The following LAMB3 variants were observed in gnomAD, a reference collection of about 807,000 sequenced individuals.
The protein encoded by LAMB3 is laminin subunit beta-3.
LAMB3 carries 104 observed loss-of-function variants against 140.3 expected under a neutral mutation model. The ratio of observed to expected loss-of-function variants is 0.74; its 90% CI spans 0.63 to 0.87. The LOEUF is 0.87. LAMB3 is among the 40% of genes least tolerant of loss of function. The probability of loss-of-function intolerance (pLI) is 0.00; values close to 1 mark genes in which losing one functional copy is unlikely to be tolerated. For missense variants in LAMB3, 1,531 were observed against 1,575.2 expected (o/e 0.97, Z 0.47); for synonymous variants, 592 against 602.9 (o/e 0.98, Z 0.26).
chr1:209,618,170 A>G, intron 19 of LAMB3, 122 bp from the exon 20 acceptor site: 3 of 1,264,294 alleles, frequency 2.4e-6, no homozygotes, highest in South Asian at 2.5e-5. Context: ...AGAGCAAGGA[A>G]AGTATTAACT....
intron 14 of LAMB3, among the ~76,000 whole-genome samples, chr1:209,624,897 AGGAAG>A (rs1666364953): frequency 7.0e-6 from 1 of 143,104 alleles, no homozygotes; most frequent in South Asian, 2.4e-4. Context: ...GAAGGAAGGA[AGGAAG>A]GAAGGAAGGA....
rs1666647281 is a variant in LAMB3, at chr1:209,630,634, C to G, written c.924G>C (p.Gln308His). ...TCCTACTTTGGCATTCATGGGCGTC[C>G]TGGCCCTCCGCCGGTCTCCAGGGCC... ...NNRPWRPAEG[Q>H]DAHECQRCDC... Residue 308 changes from glutamine to histidine, a missense_variant, in exon 9 of 23, where the codon CAG (glutamine) becomes CAC (histidine). Coordinates refer to ENST00000356082, the MANE Select transcript of LAMB3 (RefSeq NM_000228.3). The G allele has an allele frequency of 6.2e-7, 1 of 1,614,064 alleles. No individual in the cohort carries two copies.
rs904020722 is a variant in LAMB3 at position 209,634,601 on chromosome 1, G to A, written c.410C>T (p.Ser137Leu). 2.5e-6 allele frequency: 4 copies of A among 1,614,090 alleles called. No homozygotes were observed. The highest frequency in any genetic ancestry group is 1.7e-5 in the Admixed American group (1 of 60,030). The change falls in exon 6 of 23, where the codon TCA becomes TTA. Residue 137 changes from serine to leucine, a missense_variant. Ser to Leu is a moderately radical substitution (Grantham distance 145). Coordinates refer to ENST00000356082, the MANE Select transcript of LAMB3 (RefSeq NM_000228.3). ...CACTCGCCAGGTCTTACCGAAGTCT[G>A]AGGAGCGCTCAATCAGCATGCCGGC... ...MPAGMLIERSSDFGKTWRVYQ... is the reference protein window; with the variant it reads ...MPAGMLIERSLDFGKTWRVYQ...
chr1:209,617,947 G>C lies in LAMB3; in HGVS notation c.3011C>G (p.Thr1004Ser), dbSNP rs769833376. ...CTGGATAAGCCGAAGGGAGCGGCTG[G>C]TGCCTTGCATGGTGTCCTGAGCTTC... ...LQEAQDTMQG[T>S]SRSLRLIQDR... is the part of the protein sequence containing the mutation. The change falls in exon 20 of 23, where the codon ACC becomes AGC. Residue 1004 changes from threonine to serine, a missense_variant. By Grantham distance (58) the Thr-to-Ser change is moderately conservative. Transcript: ENST00000356082. The C allele has an allele frequency of 6.2e-7, 1 of 1,614,214 alleles. No homozygotes were observed. The highest frequency in any genetic ancestry group is 1.1e-5 in the South Asian group (1 of 91,082).
At chr1:209,634,983 C>A (rs1030946133) in intron 5 of LAMB3, among the ~76,000 whole-genome samples, 2 of 151,272 alleles carry the variant, frequency 1.3e-5, no homozygotes, top group Non-Finnish European at 2.9e-5. Flanking sequence ...TCCTGGAACT[C>A]ATGTCCAGCC....
At chr1:209,630,503 A>G in intron 9 of LAMB3, 112 bp downstream of exon 9, 1 of 1,233,396 alleles carries the variant, frequency 8.1e-7, no homozygotes, top group Non-Finnish European at 1.2e-6. Flanking sequence ...TTCAGTTTAG[A>G]TTTACATAAG....
At chr1:209,625,107 C>T (rs987592042) in intron 14 of LAMB3, among the ~76,000 whole-genome samples, 1 of 152,140 alleles carries the variant, frequency 6.6e-6, no homozygotes, top group Non-Finnish European at 1.5e-5. Context: ...CTGCCTTTTC[C>T]TTCCCCACCA....
At position 209,622,522 on chromosome 1, in the gene LAMB3, G is replaced by A. The variant is rs1461947917; in HGVS notation, c.2701+14C>T. 6.2e-7 allele frequency: 1 copy of A among 1,613,508 alleles called. No individual in the cohort carries two copies. Among genetic ancestry groups the A allele is most frequent in the Non-Finnish European group, 8.5e-7 (1 of 1,179,972 alleles). On this transcript the variant is annotated intron_variant, in intron 18 of 22. Transcript: ENST00000356082. ...CTGGAACAGCAGCCAAGGTGGGGTG[G>A]AGACTGGGCTCACCTGTTAGGAAGT... is the stretch of plus-strand genomic sequence containing the variant.
Position 209,618,654 on chromosome 1 carries a change from CG to C in LAMB3, c.2706del (p.Asp903ThrfsTer30). The C allele has an allele frequency of 6.6e-7, 1 of 1,515,950 alleles. No homozygotes were observed. Among genetic ancestry groups the C allele is most frequent in the Non-Finnish European group, 8.8e-7 (1 of 1,142,100 alleles). 93.9% of individuals were successfully genotyped at this position (1,515,950 alleles called of 1,614,324 possible). A position where few individuals can be genotyped will look rare whatever the true frequency, so the allele number is the denominator to read the frequency against. On this transcript the variant is annotated frameshift_variant, in exon 19 of 23. Transcript: ENST00000356082. LOFTEE classifies it high-confidence loss of function. ...IQQVRDFLTD[P>X]DTDAATIQEV... ...TCCTGGATAGTGGCTGCATCAGTGTCGGGGTCTGGAAGACAACACGCATTTG... is the reference window on the plus strand; with the variant it reads ...TCCTGGATAGTGGCTGCATCAGTGTCGGGTCTGGAAGACAACACGCATTTG...
At chr1:209,649,806 G>A (rs529671969) in intron 3 of LAMB3, among the ~76,000 whole-genome samples, 158 bp downstream of exon 3, 1 of 152,358 alleles carries the variant, frequency 6.6e-6, no homozygotes, top group South Asian at 2.1e-4. Context: ...ATTCCTTAGA[G>A]GCAAGGATCT....
At chr1:209,642,474 T>C (rs1028041112) in intron 3 of LAMB3, among the ~76,000 whole-genome samples, 2 of 152,144 alleles carry the variant, frequency 1.3e-5, no homozygotes, top group Non-Finnish European at 2.9e-5. Context: ...CTTTTTTGTT[T>C]GTTTGTTTGT....
chr1:209,618,925 C>T, intron 18 of LAMB3: 1 of 541,562 alleles, frequency 1.8e-6, no homozygotes, highest in Non-Finnish European at 3.3e-6. Flanking sequence ...AACTAAGTGT[C>T]TGGTGCCACA....
chr1:209,618,702 C>A (rs755302373), intron 18 of LAMB3, 43 bp from the exon 19 acceptor site: 3 of 1,583,504 alleles, frequency 1.9e-6, no homozygotes. Flanking sequence ...CCACTAACCT[C>A]CCCAGAGATA....
chr1:209,622,867 G>T, intron 17 of LAMB3, 115 bp downstream of exon 17: 1 of 1,372,818 alleles, frequency 7.3e-7, no homozygotes, highest in Non-Finnish European at 1.0e-6. Flanking sequence ...GGCACCTTAA[G>T]CAGGTCACCT....
chr1:209,615,212 G>T lies in LAMB3; in HGVS notation c.*59C>A, dbSNP rs1457509510. 8.1e-6 allele frequency: 13 copies of T among 1,610,502 alleles called. No homozygotes were observed. The African/African-American group carries it at 9.3e-5, about 12-fold the overall frequency. The stretch of plus-strand genomic sequence containing the variant: ...GATGGAAAGCATTCCAACCCAATCT[G>T]CCCCCAACCAAAAGCAAAGGCGGCA... On this transcript the variant is annotated 3_prime_UTR_variant, in exon 23 of 23. Coordinates refer to ENST00000356082, the MANE Select transcript of LAMB3 (RefSeq NM_000228.3).
intron 14 of LAMB3, 128 bp downstream of exon 14, chr1:209,625,518 AAG>A: frequency 1.6e-6 from 2 of 1,213,446 alleles, no homozygotes; most frequent in Non-Finnish European, 2.4e-6. Flanking sequence ...TAATGGTTGA[AAG>A]AGAGAGCACT....
At chr1:209,637,595 C>A (rs1381685525) in intron 5 of LAMB3, among the ~76,000 whole-genome samples, 2 of 151,984 alleles carry the variant, frequency 1.3e-5, no homozygotes, top group Non-Finnish European at 2.9e-5. Flanking sequence ...ACAGAGTATA[C>A]CAAGAATACA....
At chr1:209,618,913 C>A in intron 18 of LAMB3, 1 of 555,266 alleles carries the variant, frequency 1.8e-6, no homozygotes, top group South Asian at 2.0e-5. Flanking sequence ...CACAGCTGTG[C>A]CAACTAAGTG....
rs752754551 is a variant in LAMB3 at position 209,637,935 on chromosome 1, C to T, written c.345G>A (p.Gln115=). ...GGAACTCCATCATGACTTCTTGAAG[C>T]TGGAATCTCCTGTCCAGGTCCAGCT... The part of the protein sequence containing the change: ...SLQLDLDRRF[Q]LQEVMMEFQG... The change falls in exon 5 of 23, where the codon CAG becomes CAA. Residue 115 remains glutamine, a synonymous_variant. Coordinates refer to ENST00000356082, the MANE Select transcript of LAMB3 (RefSeq NM_000228.3). 2 of 1,613,284 alleles carry T rather than the reference C, an allele frequency of 1.2e-6. No individual in the cohort carries two copies. Among genetic ancestry groups the T allele is most frequent in the Admixed American group, 1.7e-5 (1 of 59,888 alleles).
Sources: gnomAD v4.1 joint callset for allele counts (sites outside exome capture counted in the v4.1 genomes callset) on GRCh38, gnomAD v4.1.1 for gene constraint, MANE v1.5 for transcripts, NCBI Gene and HGNC (gene_info 2026-07-23, HGNC 2026-07-21) for gene names.